Variants in CAPS2 observed in about 807,000 individuals in gnomAD.
The protein encoded by CAPS2 is calcyphosin-2.
CAPS2 carries 98 observed loss-of-function variants against 86.5 expected under a neutral mutation model. The observed-to-expected ratio is 1.13, with a 90% CI of 0.96 to 1.34. CAPS2 has a LOEUF of 1.34. Among genes scored for constraint, CAPS2 ranks in the 40% most tolerant of loss-of-function variants. The pLI, the probability that CAPS2 is intolerant of heterozygous loss-of-function variation, is 0.00. For synonymous variants in CAPS2, 210 were observed against 225.1 expected (o/e 0.93, Z 0.60); for missense variants, 729 against 686.8 (o/e 1.06, Z -0.69).
intron 1 of CAPS2, among the ~76,000 whole-genome samples, chr12:75,354,167 G>A (rs751619950): frequency 0.026 from 1,194 of 46,358 alleles, 29 homozygotes; most frequent in African/African-American, 0.07. Context: ...AGAAAAAAAA[G>A]GGGGGGGGGT....
intron 15 of CAPS2, among the ~76,000 whole-genome samples, chr12:75,283,098 A>T (rs1300532042): frequency 6.6e-6 from 1 of 152,226 alleles, no homozygotes. Context: ...TCAATGAAAA[A>T]GTGAAATACC....
At position 75,298,449 on chromosome 12, in the gene CAPS2, A is replaced by C. The variant is rs2037264986; in HGVS notation, c.1044+238T>G. ...CATCTGGAGACAACCCATGTTGTGG[A>C]ATGGGAAGGGGGGTGTTACAGAAAA... On this transcript the variant is annotated intron_variant, in intron 11 of 16. Transcript: ENST00000393284. The C allele has an allele frequency of 6.4e-6, 3 of 472,306 alleles. No homozygotes were observed. In the Admixed American group the frequency reaches 1.0e-4, roughly 16 times the overall value. 29.3% of individuals were successfully genotyped at this position (472,306 alleles called of 1,614,324 possible).
Position 75,372,505 on chromosome 12 carries a change from C to T in CAPS2, c.-395+18333G>A, listed in dbSNP as rs574929533. ...AACTAAGATCTGTAGACCAGCAGAACGTAATGTCATGGGAACAGGAAGCAA... is the reference window on the plus strand; with the variant it reads ...AACTAAGATCTGTAGACCAGCAGAATGTAATGTCATGGGAACAGGAAGCAA... On this transcript the variant is annotated intron_variant, in intron 1 of 5. Coordinates refer to the CAPS2 transcript ENST00000551829. Among the ~76,000 whole-genome samples, 31 of 152,212 alleles carry T rather than the reference C, an allele frequency of 2.0e-4. 1 individual carries two copies. In the South Asian group the frequency reaches 2.3e-3, roughly 11 times the overall value.
At chr12:75,289,483 G>A in intron 14 of CAPS2, 138 bp downstream of exon 14, 7 of 708,588 alleles carry the variant, frequency 9.9e-6, no homozygotes, top group Non-Finnish European at 1.6e-5. Flanking sequence ...AACAGGGCTT[G>A]TAACCTGATA....
At chr12:75,328,257 T>C (rs1189165295), upstream of CAPS2, among the ~76,000 whole-genome samples, 1 of 152,174 alleles carries the variant, frequency 6.6e-6, no homozygotes, top group African/African-American at 2.4e-5. Context: ...CAAGTTGAGA[T>C]AAGGACGCTG....
chr12:75,335,962 T>A (rs2041708413), intron 1 of CAPS2, among the ~76,000 whole-genome samples: 1 of 151,978 alleles, frequency 6.6e-6, no homozygotes, highest in African/African-American at 2.4e-5. Context: ...ATAATAAATG[T>A]TCTTTATATT....
intron 1 of CAPS2, chr12:75,343,826 G>A (rs759658957): frequency 2.5e-6 from 4 of 1,613,376 alleles, no homozygotes; most frequent in Non-Finnish European, 3.4e-6. Flanking sequence ...ATCTGGTTAG[G>A]TGGAATAAAG....
At chr12:75,329,722 G>T (rs2041121784), upstream of CAPS2, 2 of 833,730 alleles carry the variant, frequency 2.4e-6, no homozygotes, top group Non-Finnish European at 3.6e-6. Context: ...TACAGACCCA[G>T]ATATCTGAAT....
At chr12:75,299,871 G>A in exon 9 of CAPS2, 2 of 1,536,890 alleles carry the variant, frequency 1.3e-6, no homozygotes, top group Non-Finnish European at 1.8e-6. Flanking sequence ...TGTAATTTAT[G>A]AGAAAGCACA....
chr12:75,323,056 G>A, exon 4 of CAPS2: 2 of 1,550,150 alleles, frequency 1.3e-6, no homozygotes, highest in Non-Finnish European at 8.7e-7. Context: ...TGGCAGGTTT[G>A]CTGTACTAAG....
At chr12:75,357,309 G>T (rs2043217684) in intron 1 of CAPS2, among the ~76,000 whole-genome samples, 1 of 152,080 alleles carries the variant, frequency 6.6e-6, no homozygotes, top group Non-Finnish European at 1.5e-5. Context: ...AATTAATCAA[G>T]AGAACATAAG....
At chr12:75,373,277 T>C (rs2044473131) in intron 1 of CAPS2, among the ~76,000 whole-genome samples, 1 of 152,202 alleles carries the variant, frequency 6.6e-6, no homozygotes, top group Admixed American at 6.5e-5. Context: ...GGTTGAGTGG[T>C]GTTCACAGAA....
chr12:75,378,855 C>T (rs1485337966), intron 1 of CAPS2, among the ~76,000 whole-genome samples: 1 of 152,190 alleles, frequency 6.6e-6, no homozygotes. Context: ...TACTATTTGA[C>T]ATCATGTATA....
intron 7 of CAPS2, among the ~76,000 whole-genome samples, chr12:75,307,384 C>T (rs1271693466): frequency 6.6e-6 from 1 of 152,050 alleles, no homozygotes; most frequent in Non-Finnish European, 1.5e-5. Context: ...GCATGATAAC[C>T]CATCAGGTGG....
intron 1 of CAPS2, among the ~76,000 whole-genome samples, chr12:75,377,877 CTA>C (rs1189267509): frequency 3.9e-4 from 56 of 145,110 alleles, no homozygotes; most frequent in African/African-American, 1.3e-3. Context: ...GTGTGTGTGT[CTA>C]TATATATATA....
chr12:75,335,316 T>A (rs1443036472), intron 1 of CAPS2, among the ~76,000 whole-genome samples: 1 of 152,142 alleles, frequency 6.6e-6, no homozygotes, highest in Admixed American at 6.5e-5. Flanking sequence ...TATTTTTATA[T>A]CATATGAATC....
intron 5 of CAPS2, 92 bp from the exon 6 acceptor site, chr12:75,316,526 C>A: frequency 1.7e-6 from 2 of 1,143,940 alleles, no homozygotes; most frequent in South Asian, 4.3e-5. Context: ...CGGAATATCT[C>A]AGTGACTATT....
intron 14 of CAPS2, among the ~76,000 whole-genome samples, chr12:75,287,280 T>G (rs1346531356): frequency 1.3e-5 from 2 of 151,850 alleles, no homozygotes; most frequent in Non-Finnish European, 2.9e-5. Context: ...TTAAGCTCCT[T>G]TCCCTCTTCA....
intron 1 of CAPS2, among the ~76,000 whole-genome samples, chr12:75,377,185 A>C (rs1162262245): frequency 1.3e-5 from 2 of 152,142 alleles, no homozygotes; most frequent in Non-Finnish European, 2.9e-5. Context: ...TTTGAGTCTA[A>C]TCAGATTAAG....
Sources: allele counts gnomAD v4.1 joint callset (sites outside exome capture counted in the v4.1 genomes callset), GRCh38; gene constraint gnomAD v4.1.1; transcripts MANE v1.5; gene names NCBI Gene and HGNC (gene_info 2026-07-23, HGNC 2026-07-21).